The following SEMA4F variants were observed in gnomAD, a reference collection of about 807,000 sequenced individuals.
The protein encoded by SEMA4F is semaphorin-4F.
In SEMA4F, 51 loss-of-function variants were observed where a neutral mutation model predicts 78.4. That is an observed-to-expected ratio of 0.65 (90% CI 0.52 to 0.82). SEMA4F has a LOEUF of 0.82. Among genes scored for constraint, SEMA4F ranks in the 40% least tolerant of loss-of-function variants. SEMA4F has a pLI of 0.00. For missense variants in SEMA4F, 938 were observed against 1,014.4 expected (o/e 0.92, Z 1.02); for synonymous variants, 418 against 408.7 (o/e 1.02, Z -0.27).
Position 74,658,407 on chromosome 2 carries a change from A to G in SEMA4F, c.456+456A>G, listed in dbSNP as rs3821304. ...TGACTGTCTCTTACCACCTTCTCCT[A>G]CTTCCACTGCCAACCTCATTGTATA... is the stretch of plus-strand genomic sequence containing the variant. On this transcript the variant is annotated intron_variant, in intron 4 of 13. Transcript: ENST00000357877. The surrounding 1 kb of genome is among the most constrained non-coding windows in gnomAD (Gnocchi z 4.3). Among the ~76,000 whole-genome samples, 4 of 152,212 alleles carry G rather than the reference A, an allele frequency of 2.6e-5. No individual in the cohort carries two copies. In the East Asian group the frequency reaches 7.7e-4, roughly 29 times the overall value.
Position 74,654,436 on chromosome 2 carries a change from C to G in SEMA4F, c.60C>G (p.Phe20Leu). Residue 20 changes from phenylalanine (F) to leucine (L), a missense_variant, in exon 1 of 14, where the codon TTC becomes TTG. Physicochemically the swap from Phe to Leu is conservative, Grantham distance 22. Transcript: ENST00000357877. Reference protein sequence around the residue: ...PGPGQPTASPFPLLLLAVLSG... With the variant: ...PGPGQPTASPLPLLLLAVLSG... ...CCGGGCAGCCTACAGCCTCGCCCTTCCCGCTACTGCTGCTGGCGGTGCTGA... is the reference window on the plus strand; with the variant it reads ...CCGGGCAGCCTACAGCCTCGCCCTTGCCGCTACTGCTGCTGGCGGTGCTGA... 6.4e-6 allele frequency: 10 copies of G among 1,570,208 alleles called. No individual in the cohort carries two copies. Among genetic ancestry groups the G allele is most frequent in the Admixed American group, 1.8e-5 (1 of 56,422 alleles).
chr2:74,700,117 G>A, the SEMA4F span, among the ~76,000 whole-genome samples: 1 of 151,674 alleles, frequency 6.6e-6, no homozygotes, highest in African/African-American at 2.4e-5. Flanking sequence ...GAGCGTTGGG[G>A]GCATGAAAGG....
the SEMA4F span, among the ~76,000 whole-genome samples, chr2:74,701,437 T>C: frequency 3.3e-5 from 5 of 152,222 alleles, no homozygotes; most frequent in Admixed American, 2.6e-4. Context: ...CTATAGAAAA[T>C]TCCACAGCCA....
the SEMA4F span, among the ~76,000 whole-genome samples, chr2:74,692,603 T>TCACTCC: frequency 1.3e-5 from 2 of 152,312 alleles, no homozygotes; most frequent in Non-Finnish European, 2.9e-5. Flanking sequence ...TGGGCAGGCT[T>TCACTCC]CAGAGGGCTG....
chr2:74,656,264 C>T (rs1684130815), intron 1 of SEMA4F, among the ~76,000 whole-genome samples: 1 of 152,142 alleles, frequency 6.6e-6, no homozygotes, highest in African/African-American at 2.4e-5. Context: ...CCCACCTCAG[C>T]CTCCCAAAGT....
Position 74,657,915 on chromosome 2 carries a change from T to C in SEMA4F, c.420T>C (p.Cys140=), listed in dbSNP as rs887630591. 1.7e-5 allele frequency: 28 copies of C among 1,614,262 alleles called. No individual in the cohort carries two copies. Among genetic ancestry groups the C allele is most frequent in the Non-Finnish European group, 2.4e-5 (28 of 1,180,040 alleles). ...AIANASHLLT[C]GTFAFDPKCG... Reference sequence around the variant, plus strand: ...CCAATGCCTCTCACCTCCTCACTTGTGGCACCTTCGCTTTTGATCCGAAGT... The same window carrying C: ...CCAATGCCTCTCACCTCCTCACTTGCGGCACCTTCGCTTTTGATCCGAAGT... The change falls in exon 4 of 14, where the codon TGT becomes TGC. Residue 140 remains cysteine, a synonymous_variant. Coordinates refer to ENST00000357877, the MANE Select transcript of SEMA4F (RefSeq NM_004263.5).
At chr2:74,671,890 G>T (rs10200121) in intron 5 of SEMA4F, among the ~76,000 whole-genome samples, 55,446 of 152,062 alleles carry the variant, frequency 0.36, 16,999 homozygotes, top group East Asian at 0.82. Context: ...CATGTTCAGT[G>T]GATGAATTTC....
the SEMA4F span, among the ~76,000 whole-genome samples, chr2:74,702,008 G>A: frequency 7.2e-5 from 11 of 152,270 alleles, no homozygotes; most frequent in Admixed American, 7.2e-4. Context: ...GTAAACTTGA[G>A]CTTCATAATG....
At chr2:74,662,658 C>G in intron 4 of SEMA4F, 74 bp from the exon 5 acceptor site, 1 of 1,228,694 alleles carries the variant, frequency 8.1e-7, no homozygotes, top group Middle Eastern at 2.0e-4. Context: ...TTTCCTTCAT[C>G]TGACCATCTT....
intron 5 of SEMA4F, among the ~76,000 whole-genome samples, 163 bp downstream of exon 5, chr2:74,662,988 C>T (rs1053629157): frequency 6.6e-6 from 1 of 152,224 alleles, no homozygotes; most frequent in Non-Finnish European, 1.5e-5. Flanking sequence ...TAACCACCTG[C>T]TTTTCCCCAC....
intron 12 of SEMA4F, 53 bp downstream of exon 12, chr2:74,675,962 C>CCATATGGGA (rs1685258921): frequency 6.5e-7 from 1 of 1,544,410 alleles, no homozygotes; most frequent in African/African-American, 1.4e-5. Flanking sequence ...TCTGTCCCAT[C>CCATATGGGA]CATATGTCTA....
intron 5 of SEMA4F, among the ~76,000 whole-genome samples, chr2:74,669,424 A>G (rs1684861792): frequency 6.6e-6 from 1 of 151,694 alleles, no homozygotes; most frequent in South Asian, 2.1e-4. Context: ...TCTCTAATAA[A>G]AATACAAAAA....
At chr2:74,654,633 G>A in intron 1 of SEMA4F, 112 bp downstream of exon 1, 1 of 932,148 alleles carries the variant, frequency 1.1e-6, no homozygotes, top group Non-Finnish European at 1.5e-6. Context: ...GGTGTATGGC[G>A]TTTCACGCCG....
chr2:74,668,242 C>A (rs978603108), intron 5 of SEMA4F, among the ~76,000 whole-genome samples: 1 of 152,170 alleles, frequency 6.6e-6, no homozygotes, highest in Non-Finnish European at 1.5e-5. Flanking sequence ...GGTGTCATTG[C>A]ATCTTGTGAT....
chr2:74,705,910 A>G, the SEMA4F span, among the ~76,000 whole-genome samples: 1 of 152,086 alleles, frequency 6.6e-6, no homozygotes, highest in Non-Finnish European at 1.5e-5. Flanking sequence ...GTATCAATTT[A>G]TACACTAGTA....
In SEMA4F at chr2:74,658,085, T is replaced by A; in HGVS notation, c.456+134T>A. 1.3e-6 allele frequency: 1 copy of A among 758,432 alleles called. No homozygotes were observed. The highest frequency in any genetic ancestry group is 2.6e-5 in the East Asian group (1 of 38,206). 47.0% of individuals were successfully genotyped at this position (758,432 alleles called of 1,614,324 possible). On this transcript the variant is annotated intron_variant, in intron 4 of 13. Coordinates refer to ENST00000357877, the MANE Select transcript of SEMA4F (RefSeq NM_004263.5). This position sits in a 1 kb window ranked among gnomAD's most constrained non-coding sequence, Gnocchi z 4.3. ...GCATGGTCAAGGCAACCATTGTGCATGATAAGCATTGGGTGTAGGGGCTGT... is the reference window on the plus strand; with the variant it reads ...GCATGGTCAAGGCAACCATTGTGCAAGATAAGCATTGGGTGTAGGGGCTGT...
chr2:74,697,646 A>G, the SEMA4F span, among the ~76,000 whole-genome samples: 6 of 152,160 alleles, frequency 3.9e-5, no homozygotes, highest in Non-Finnish European at 7.3e-5. Context: ...GGAGGTGCAG[A>G]TCATTCAGAG....
chr2:74,656,933 A>G (rs1684180005), intron 2 of SEMA4F, among the ~76,000 whole-genome samples: 1 of 152,114 alleles, frequency 6.6e-6, no homozygotes, highest in Non-Finnish European at 1.5e-5. Flanking sequence ...CACAGTGACC[A>G]GGTTTCAGGT....
chr2:74,674,457 T>C (rs373963198), intron 7 of SEMA4F, 41 bp from the exon 8 acceptor site: 3 of 1,561,176 alleles, frequency 1.9e-6, no homozygotes, highest in Non-Finnish European at 2.6e-6. Context: ...TGCCCAATGA[T>C]GATCATCTAA....
Sources: gnomAD v4.1 joint callset for allele counts (sites outside exome capture counted in the v4.1 genomes callset) on GRCh38, gnomAD v4.1.1 for gene constraint, Gnocchi (gnomAD v3.1) non-coding constraint, MANE v1.5 for transcripts, NCBI Gene and HGNC (gene_info 2026-07-23, HGNC 2026-07-21) for gene names.